Variants in GRIK4 observed in about 807,000 individuals in gnomAD.
The protein encoded by GRIK4 is glutamate ionotropic receptor kainate type subunit 4.
In GRIK4, 40 loss-of-function variants were observed where a neutral mutation model predicts 104.9. The ratio of observed to expected loss-of-function variants is 0.38; its 90% CI spans 0.30 to 0.50. GRIK4 has a LOEUF of 0.50. Among genes scored for constraint, GRIK4 ranks in the 20% least tolerant of loss-of-function variants. The probability of loss-of-function intolerance (pLI) is 0.93; values close to 1 mark genes in which losing one functional copy is unlikely to be tolerated. For missense variants in GRIK4, 1,047 were observed against 1,308.1 expected, an observed-to-expected ratio of 0.80 and a Z score of 3.08; for synonymous variants, 485 against 524.9, an observed-to-expected ratio of 0.92 and a Z score of 1.04.
At chr11:120,521,091 G>GT (rs980856489) in intron 1 of GRIK4, among the ~76,000 whole-genome samples, 26 of 151,592 alleles carry the variant, frequency 1.7e-4, no homozygotes, top group African/African-American at 6.3e-4. Context: ...GTTTTGTTTT[G>GT]TTTTTCGTTT....
chr11:120,951,594 T>G (rs1944002063), intron 14 of GRIK4, among the ~76,000 whole-genome samples: 1 of 152,246 alleles, frequency 6.6e-6, no homozygotes, highest in Admixed American at 6.5e-5. Context: ...ATGGACTTCC[T>G]GGATTTCTGG....
Position 120,956,715 on chromosome 11 carries a change from A to G in GRIK4, c.1701-65A>G. On this transcript the variant is annotated intron_variant, in intron 15 of 20. Coordinates refer to ENST00000527524, the MANE Select transcript of GRIK4 (RefSeq NM_014619.5). The surrounding 1 kb of genome is among the most constrained non-coding windows in gnomAD (Gnocchi z 4.6). ...TCTCAGAGGTGAGACCAGCCAGGAG[A>G]GCCTGCCTGTGTCCCTTCACACCCC... 8.0e-7 allele frequency: 1 copy of G among 1,252,452 alleles called. No homozygotes were observed. The highest frequency in any genetic ancestry group is 1.1e-6 in the Non-Finnish European group (1 of 930,814). The allele number at this position is 1,252,452 out of a possible 1,614,324, so 77.6% of individuals were successfully genotyped here.
intron 15 of GRIK4, among the ~76,000 whole-genome samples, chr11:120,954,830 CAAACAA>C (rs754369558): frequency 6.7e-5 from 1 of 14,900 alleles, no homozygotes; most frequent in East Asian, 7.7e-4. Context: ...CACACACACA[CAAACAA>C]TACTGGAGTC....
At chr11:120,832,431 T>A (rs537105405) in intron 7 of GRIK4, among the ~76,000 whole-genome samples, 1 of 152,310 alleles carries the variant, frequency 6.6e-6, no homozygotes, top group African/African-American at 2.4e-5. Flanking sequence ...CACCAGTGTG[T>A]ACTGCTGAAT....
chr11:120,630,281 C>G (rs1399705839), intron 1 of GRIK4, among the ~76,000 whole-genome samples: 3 of 152,250 alleles, frequency 2.0e-5, no homozygotes, highest in Admixed American at 2.0e-4. Flanking sequence ...GCAGACAAAC[C>G]AGGCCTCCCG....
chr11:120,839,719 T>C (rs1456794636), intron 8 of GRIK4, among the ~76,000 whole-genome samples: 1 of 152,214 alleles, frequency 6.6e-6, no homozygotes, highest in Non-Finnish European at 1.5e-5. Flanking sequence ...TTTATTTGTG[T>C]CGGTAATTAC....
chr11:120,854,853 GA>G (rs1241351493), intron 8 of GRIK4, among the ~76,000 whole-genome samples: 1 of 152,058 alleles, frequency 6.6e-6, no homozygotes, highest in African/African-American at 2.4e-5. Context: ...GAAATTAAAA[GA>G]TTTTTTTTTA....
chr11:120,701,959 T>A (rs1950558885), intron 3 of GRIK4, among the ~76,000 whole-genome samples: 1 of 146,488 alleles, frequency 6.8e-6, no homozygotes, highest in African/African-American at 2.5e-5. Flanking sequence ...AGCTTTTTTT[T>A]TTTTTTTTTT....
Position 120,871,554 on chromosome 11 carries a change from T to C in GRIK4, c.907-2512T>C, listed in dbSNP as rs867139974. On this transcript the variant is annotated intron_variant, in intron 9 of 20. Transcript: ENST00000527524. ...TGTGCACTGTTCCCCATGGTGAGAATTGGGTGTCCTTTGTTGCTTAGTCTT... is the reference window on the plus strand; with the variant it reads ...TGTGCACTGTTCCCCATGGTGAGAACTGGGTGTCCTTTGTTGCTTAGTCTT... The C allele has an allele frequency of 4.2e-5, 19 of 455,888 alleles. 1 individual carries two copies. In the Middle Eastern group the frequency reaches 4.6e-3, roughly 109 times the overall value. 28.2% of individuals were successfully genotyped at this position (455,888 alleles called of 1,614,324 possible).
chr11:120,898,842 TG>T (rs1012313332), intron 12 of GRIK4, among the ~76,000 whole-genome samples: 1 of 152,096 alleles, frequency 6.6e-6, no homozygotes, highest in African/African-American at 2.4e-5. Flanking sequence ...GGGGGAGGGT[TG>T]GGGTGGAGAG....
At chr11:120,722,315 T>C (rs1356019723) in intron 3 of GRIK4, among the ~76,000 whole-genome samples, 1 of 152,224 alleles carries the variant, frequency 6.6e-6, no homozygotes, top group Non-Finnish European at 1.5e-5. Flanking sequence ...GTAGGATTAA[T>C]TGAGGATCAG....
At chr11:120,665,724 C>G (rs1201886171) in intron 3 of GRIK4, among the ~76,000 whole-genome samples, 1 of 151,740 alleles carries the variant, frequency 6.6e-6, no homozygotes, top group Non-Finnish European at 1.5e-5. Context: ...AATATTTTAC[C>G]AAAAGAAAAA....
chr11:120,667,459 C>T (rs925337059), intron 3 of GRIK4, among the ~76,000 whole-genome samples: 2 of 152,258 alleles, frequency 1.3e-5, no homozygotes, highest in Non-Finnish European at 2.9e-5. Flanking sequence ...GTGGGCGGGA[C>T]GCGTGCGTGT....
intron 1 of GRIK4, among the ~76,000 whole-genome samples, chr11:120,525,600 C>T (rs1947846987): frequency 6.6e-6 from 1 of 152,212 alleles, no homozygotes; most frequent in South Asian, 2.1e-4. Context: ...AACACACACT[C>T]ATCAGACCCA....
intron 1 of GRIK4, among the ~76,000 whole-genome samples, chr11:120,541,480 G>A (rs1461954906): frequency 1.3e-5 from 2 of 152,018 alleles, no homozygotes; most frequent in Non-Finnish European, 2.9e-5. Context: ...ATAACAGGTA[G>A]GTGTCAGGAA....
At chr11:120,882,965 G>T (rs575233045) in intron 11 of GRIK4, among the ~76,000 whole-genome samples, 1 of 152,120 alleles carries the variant, frequency 6.6e-6, no homozygotes, top group Non-Finnish European at 1.5e-5. Context: ...TCCTACTCAC[G>T]TCTCCAAAAC....
At chr11:120,626,656 G>C (rs763124686) in intron 1 of GRIK4, among the ~76,000 whole-genome samples, 2 of 152,084 alleles carry the variant, frequency 1.3e-5, no homozygotes. Context: ...TAGGCATCCC[G>C]GAGCTCATTG....
At position 120,528,301 on chromosome 11, in the gene GRIK4, T is replaced by C. The variant is rs576520124; in HGVS notation, c.-159+16414T>C. ...TAATTTTTTGTATTCTTAATAGAGA[T>C]GGGGTTTCACAGTGTTAGCCAGGAT... is the stretch of plus-strand genomic sequence containing the variant. On this transcript the variant is annotated intron_variant, in intron 1 of 20. Transcript: ENST00000527524. 6.6e-5 allele frequency among the ~76,000 whole-genome samples: 10 copies of C among 152,176 alleles called. No homozygotes were observed. The East Asian group carries it at 1.5e-3, about 24-fold the overall frequency.
chr11:120,639,064 G>A (rs985547700), intron 1 of GRIK4, among the ~76,000 whole-genome samples: 1 of 151,962 alleles, frequency 6.6e-6, no homozygotes, highest in Non-Finnish European at 1.5e-5. Flanking sequence ...TGGACATGGT[G>A]GTGGGCGCCT....
Sources: allele counts gnomAD v4.1 joint callset (sites outside exome capture counted in the v4.1 genomes callset), GRCh38; gene constraint gnomAD v4.1.1; non-coding constraint Gnocchi (gnomAD v3.1); transcripts MANE v1.5; gene names NCBI Gene and HGNC (gene_info 2026-07-23, HGNC 2026-07-21).